Variants in NXPE2 observed in about 807,000 individuals in gnomAD.
The protein encoded by NXPE2 is neurexophilin and PC-esterase domain family member 2.
Under a neutral mutation model 34.4 loss-of-function variants are expected in NXPE2, and 34 were observed. The ratio of observed to expected loss-of-function variants is 0.99; its 90% CI spans 0.75 to 1.31. NXPE2 has a LOEUF of 1.31. Among genes scored for constraint, NXPE2 ranks in the 40% most tolerant of loss-of-function variants. The pLI is 0.00. For synonymous variants in NXPE2, 235 were observed against 231.3 expected (o/e 1.02, Z -0.15); for missense variants, 649 against 672.5 (o/e 0.97, Z 0.39).
At chr11:114,527,914 A>T in the NXPE2 span, 1 of 1,597,440 alleles carries the variant, frequency 6.3e-7, no homozygotes, top group Non-Finnish European at 8.6e-7. Context: ...TCAAAAAAAA[A>T]ATAGAACAAT....
At chr11:114,645,309 A>G in the NXPE2 span, among the ~76,000 whole-genome samples, 2 of 152,194 alleles carry the variant, frequency 1.3e-5, no homozygotes, top group Non-Finnish European at 2.9e-5. Context: ...TCGAAAATAA[A>G]TAAGTAAAAA....
At chr11:114,691,491 G>T (rs918571183) in intron 2 of NXPE2, among the ~76,000 whole-genome samples, 1 of 152,132 alleles carries the variant, frequency 6.6e-6, no homozygotes, top group Non-Finnish European at 1.5e-5. Flanking sequence ...GGCAGCTAGG[G>T]GCAGGGGCAG....
chr11:114,504,574 C>G, the NXPE2 span, among the ~76,000 whole-genome samples: 1 of 152,206 alleles, frequency 6.6e-6, no homozygotes, highest in Non-Finnish European at 1.5e-5. Context: ...AGCTAGAGAA[C>G]AAAGTCAGGC....
the NXPE2 span, among the ~76,000 whole-genome samples, chr11:114,790,068 C>T: frequency 1.3e-5 from 2 of 152,172 alleles, no homozygotes; most frequent in African/African-American, 4.8e-5. Flanking sequence ...TACGCACTTA[C>T]AATAAGCCCT....
chr11:114,688,718 G>T (rs1464297209), intron 2 of NXPE2, among the ~76,000 whole-genome samples: 1 of 151,792 alleles, frequency 6.6e-6, no homozygotes, highest in Non-Finnish European at 1.5e-5. Flanking sequence ...GTAATCCAGG[G>T]CTTTTTCTGC....
chr11:114,489,851 T>G, the NXPE2 span, among the ~76,000 whole-genome samples: 1 of 152,212 alleles, frequency 6.6e-6, no homozygotes, highest in Non-Finnish European at 1.5e-5. Flanking sequence ...TTGGAAGTTC[T>G]GGCCAGGGCA....
At chr11:114,601,160 G>A in the NXPE2 span, among the ~76,000 whole-genome samples, 5 of 151,490 alleles carry the variant, frequency 3.3e-5, no homozygotes, top group Non-Finnish European at 5.9e-5. Context: ...TTGTATAATG[G>A]TGAACTCTGG....
the NXPE2 span, among the ~76,000 whole-genome samples, chr11:114,666,998 A>G: frequency 6.6e-6 from 1 of 152,146 alleles, no homozygotes; most frequent in African/African-American, 2.4e-5. Flanking sequence ...AGGTTTGAAC[A>G]TTAATCAACA....
At chr11:114,737,382 A>G in the NXPE2 span, among the ~76,000 whole-genome samples, 1 of 152,198 alleles carries the variant, frequency 6.6e-6, no homozygotes, top group African/African-American at 2.4e-5. Flanking sequence ...CAGTGCTGAA[A>G]GAATGGGTTT....
the NXPE2 span, chr11:114,529,351 A>G: frequency 1.3e-5 from 2 of 152,416 alleles, no homozygotes; most frequent in Non-Finnish European, 2.9e-5. Flanking sequence ...TTGTGATAAC[A>G]GATAGTTATC....
the NXPE2 span, among the ~76,000 whole-genome samples, chr11:114,753,262 A>G: frequency 6.6e-6 from 1 of 152,046 alleles, no homozygotes; most frequent in African/African-American, 2.4e-5. Flanking sequence ...GTGTGCTGGC[A>G]TGCACCTGTA....
At chr11:114,489,620 C>T in the NXPE2 span, among the ~76,000 whole-genome samples, 1 of 152,178 alleles carries the variant, frequency 6.6e-6, no homozygotes, top group African/African-American at 2.4e-5. Flanking sequence ...ATGATTGTCT[C>T]AACAGATGCA....
At chr11:114,754,755 A>G in the NXPE2 span, among the ~76,000 whole-genome samples, 43 of 152,280 alleles carry the variant, frequency 2.8e-4, no homozygotes, top group Non-Finnish European at 5.1e-4. Flanking sequence ...ATGGGAATAG[A>G]AACTGGCCTT....
intron 1 of NXPE2, 71 bp from the exon 2 acceptor site, chr11:114,679,585 GA>G: frequency 3.4e-6 from 3 of 884,960 alleles, no homozygotes; most frequent in Non-Finnish European, 3.4e-6. Context: ...TACTGAAGAG[GA>G]ACCAAAGTGT....
chr11:114,672,215 TG>T, the NXPE2 span, among the ~76,000 whole-genome samples: 1 of 151,880 alleles, frequency 6.6e-6, no homozygotes. Context: ...GAGATTTGGG[TG>T]GGGACACAGA....
chr11:114,490,574 C>G, the NXPE2 span, among the ~76,000 whole-genome samples: 1 of 152,142 alleles, frequency 6.6e-6, no homozygotes, highest in Non-Finnish European at 1.5e-5. Context: ...TGATCTTTGA[C>G]AAACCTGACA....
At chr11:114,637,710 C>A in the NXPE2 span, among the ~76,000 whole-genome samples, 1 of 150,990 alleles carries the variant, frequency 6.6e-6, no homozygotes, top group African/African-American at 2.4e-5. Context: ...TTGTATTTCT[C>A]CTTCACTTAT....
chr11:114,732,578 T>A, the NXPE2 span, among the ~76,000 whole-genome samples: 13 of 152,238 alleles, frequency 8.5e-5, no homozygotes, highest in Non-Finnish European at 5.9e-5. Context: ...GGTATCTTTA[T>A]TTATCTTGAT....
chr11:114,634,002 G>A, the NXPE2 span, among the ~76,000 whole-genome samples: 1 of 151,952 alleles, frequency 6.6e-6, no homozygotes, highest in Non-Finnish European at 1.5e-5. Flanking sequence ...TGGGTCAAAT[G>A]GTATTTCTAG....
Sources: gnomAD v4.1 joint callset for allele counts (sites outside exome capture counted in the v4.1 genomes callset) on GRCh38, gnomAD v4.1.1 for gene constraint, MANE v1.5 for transcripts, NCBI Gene and HGNC (gene_info 2026-07-23, HGNC 2026-07-21) for gene names.